Variants in SLC38A1 observed in about 807,000 individuals in gnomAD.
The protein encoded by SLC38A1 is sodium-coupled neutral amino acid symporter 1.
A neutral mutation model predicts 60.3 loss-of-function variants in SLC38A1; 18 were observed. The observed-to-expected ratio is 0.30, with a 90% CI of 0.21 to 0.44. The LOEUF (loss-of-function observed/expected upper bound fraction) is 0.44. Ranked by LOEUF, SLC38A1 falls within the 20% of genes least tolerant of loss-of-function variation. SLC38A1 has a pLI of 1.00. For synonymous variants in SLC38A1, 196 were observed against 212.1 expected, an observed-to-expected ratio of 0.92 and a Z score of 0.66; for missense variants, 448 against 587.2, an observed-to-expected ratio of 0.76 and a Z score of 2.45.
At chr12:46,231,965 A>G (rs1941093060) in intron 3 of SLC38A1, among the ~76,000 whole-genome samples, 1 of 152,238 alleles carries the variant, frequency 6.6e-6, no homozygotes. Flanking sequence ...ACATTTTTAA[A>G]TGAAACATAT....
chr12:46,262,322 A>T (rs1333177805), intron 1 of SLC38A1, among the ~76,000 whole-genome samples: 3 of 152,178 alleles, frequency 2.0e-5, no homozygotes, highest in Non-Finnish European at 4.4e-5. Context: ...TAAACTCTAA[A>T]GTTAATGAAG....
rs1938845918 is a variant in SLC38A1, at chr12:46,183,753, T to C, written c.*5217A>G. On this transcript the variant is annotated 3_prime_UTR_variant, in exon 17 of 17. Coordinates refer to ENST00000398637, the MANE Select transcript of SLC38A1 (RefSeq NM_030674.4). ...GGACTATCTGTTAAATAATTGATCT[T>C]AATGCCAGCATAAGAAATCAAGGGA... 1 of 152,210 alleles carries C rather than the reference T, an allele frequency of 6.6e-6. No individual in the cohort carries two copies. Among genetic ancestry groups the C allele is most frequent in the Non-Finnish European group, 1.5e-5 (1 of 68,026 alleles). 9.4% of individuals were successfully genotyped at this position (152,210 alleles called of 1,614,324 possible).
chr12:46,192,869 C>G (rs963853240), intron 16 of SLC38A1, among the ~76,000 whole-genome samples: 1 of 151,908 alleles, frequency 6.6e-6, no homozygotes, highest in Non-Finnish European at 1.5e-5. Flanking sequence ...TTTGTTGATC[C>G]TTTCAAAAAA....
At chr12:46,199,524 A>ATT (rs113315443) in intron 13 of SLC38A1, among the ~76,000 whole-genome samples, 1 of 137,822 alleles carries the variant, frequency 7.3e-6, no homozygotes, top group Non-Finnish European at 1.6e-5. Flanking sequence ...TAATTTTTGT[A>ATT]TTTTTTTTTT....
At chr12:46,261,451 G>A (rs895544042) in intron 1 of SLC38A1, among the ~76,000 whole-genome samples, 5 of 152,126 alleles carry the variant, frequency 3.3e-5, no homozygotes, top group Non-Finnish European at 5.9e-5. Flanking sequence ...CTAGTATATG[G>A]TGACAGTAAA....
At chr12:46,258,759 A>C (rs1463244562) in intron 1 of SLC38A1, among the ~76,000 whole-genome samples, 1 of 152,152 alleles carries the variant, frequency 6.6e-6, no homozygotes, top group Non-Finnish European at 1.5e-5. Flanking sequence ...ATTCAAGAGA[A>C]TCTCCTGCTT....
intron 2 of SLC38A1, 66 bp from the exon 3 acceptor site, chr12:46,239,959 C>T: frequency 1.6e-6 from 1 of 620,452 alleles, no homozygotes; most frequent in Non-Finnish European, 2.7e-6. Context: ...AATAAATTAC[C>T]ACAAATAAAC....
chr12:46,253,863 T>C (rs1435544397), intron 1 of SLC38A1, among the ~76,000 whole-genome samples: 1 of 152,174 alleles, frequency 6.6e-6, no homozygotes, highest in African/African-American at 2.4e-5. Flanking sequence ...ATGGTATTCC[T>C]ACCTAACTAT....
intron 2 of SLC38A1, 89 bp downstream of exon 2, chr12:46,243,111 T>G (rs925044985): frequency 3.3e-5 from 5 of 151,224 alleles, no homozygotes; most frequent in African/African-American, 9.7e-5. Flanking sequence ...ATAAATGAAT[T>G]AATTAATTAA....
intron 16 of SLC38A1, among the ~76,000 whole-genome samples, chr12:46,193,406 T>C (rs373382336): frequency 1.3e-5 from 2 of 152,316 alleles, no homozygotes; most frequent in South Asian, 2.1e-4. Flanking sequence ...ATGCATATTG[T>C]CTTGATTTGT....
At chr12:46,226,998 G>A (rs775273536) in intron 5 of SLC38A1, among the ~76,000 whole-genome samples, 25 of 151,300 alleles carry the variant, frequency 1.7e-4, no homozygotes, top group African/African-American at 3.4e-4. Flanking sequence ...ATCAAGGCAC[G>A]TCATTGTGAA....
chr12:46,225,153 C>A (rs1206043124), intron 5 of SLC38A1, among the ~76,000 whole-genome samples: 1 of 152,056 alleles, frequency 6.6e-6, no homozygotes, highest in African/African-American at 2.4e-5. Flanking sequence ...AACCATAAAT[C>A]GGCAGTGGAA....
rs184066070 is a variant in SLC38A1 at position 46,204,602 on chromosome 12, A to G, written c.647-12T>C. On this transcript the variant is annotated splice_polypyrimidine_tract_variant and intron_variant, in intron 9 of 16. Transcript: ENST00000398637. Reference sequence around the variant, plus strand: ...ATAGCCAAGATACCCTTTAAAAAAAAGTAAAAAATAAATTATTTCATTTTT... The same window carrying G: ...ATAGCCAAGATACCCTTTAAAAAAAGGTAAAAAATAAATTATTTCATTTTT... 13 of 1,576,994 alleles carry G rather than the reference A, an allele frequency of 8.2e-6. No individual in the cohort carries two copies. In the East Asian group the frequency reaches 2.3e-4, roughly 27 times the overall value.
At chr12:46,262,011 G>A (rs1474471183) in intron 1 of SLC38A1, among the ~76,000 whole-genome samples, 1 of 152,326 alleles carries the variant, frequency 6.6e-6, no homozygotes, top group East Asian at 1.9e-4. Flanking sequence ...GGCCCCAAAT[G>A]CCAGTAGTGT....
At position 46,248,938 on chromosome 12, in the gene SLC38A1, C is replaced by A. The variant is rs186803375; in HGVS notation, c.-208-5624G>T. Among the ~76,000 whole-genome samples, 4 of 152,022 alleles carry A rather than the reference C, an allele frequency of 2.6e-5. No individual in the cohort carries two copies. In the South Asian group the frequency reaches 8.3e-4, roughly 32 times the overall value. On this transcript the variant is annotated intron_variant, in intron 1 of 16. Coordinates refer to ENST00000398637, the MANE Select transcript of SLC38A1 (RefSeq NM_030674.4). Reference sequence around the variant, plus strand: ...TTGGGAGGCCGAGGCGGGCAGATCACGAGTTCAGGAGATCAAGACCATCCT... The same window carrying A: ...TTGGGAGGCCGAGGCGGGCAGATCAAGAGTTCAGGAGATCAAGACCATCCT...
chr12:46,268,037 G>T lies in SLC38A1; in HGVS notation c.-209+489C>A, dbSNP rs1216494382. 6.6e-6 allele frequency among the ~76,000 whole-genome samples: 1 copy of T among 152,156 alleles called. No homozygotes were observed. The highest frequency in any genetic ancestry group is 1.9e-4 in the East Asian group (1 of 5,178). On this transcript the variant is annotated intron_variant, in intron 1 of 16. Transcript: ENST00000398637. This position sits in a 1 kb window ranked among gnomAD's most constrained non-coding sequence, Gnocchi z 4.4. ...GTCCGCGGCCGCTACCCAGCCGGCCGCACGCAGCACCCCCCGGACATCACA... is the reference window on the plus strand; with the variant it reads ...GTCCGCGGCCGCTACCCAGCCGGCCTCACGCAGCACCCCCCGGACATCACA...
At chr12:46,207,065 C>T in intron 8 of SLC38A1, 90 bp downstream of exon 8, 2 of 844,374 alleles carry the variant, frequency 2.4e-6, no homozygotes, top group Non-Finnish European at 3.6e-6. Flanking sequence ...GAAAAACTTT[C>T]TGCAATATTC....
intron 2 of SLC38A1, among the ~76,000 whole-genome samples, chr12:46,240,497 G>C (rs1289286047): frequency 6.6e-6 from 1 of 152,180 alleles, no homozygotes; most frequent in Non-Finnish European, 1.5e-5. Context: ...CACCCGGCCT[G>C]AAGCAGTGCT....
chr12:46,247,249 G>T (rs1025353699), intron 1 of SLC38A1, among the ~76,000 whole-genome samples: 1 of 152,164 alleles, frequency 6.6e-6, no homozygotes. Flanking sequence ...GCTAAAGGAG[G>T]ATGTTCTATC....
Sources: allele counts gnomAD v4.1 joint callset (sites outside exome capture counted in the v4.1 genomes callset), GRCh38; gene constraint gnomAD v4.1.1; non-coding constraint Gnocchi (gnomAD v3.1); transcripts MANE v1.5; gene names NCBI Gene and HGNC (gene_info 2026-07-23, HGNC 2026-07-21).